Variants in SMYD4 observed in about 807,000 individuals in gnomAD.
SMYD4 encodes protein-lysine N-methyltransferase SMYD4.
A neutral mutation model predicts 72.8 loss-of-function variants in SMYD4; 68 were observed. The observed-to-expected ratio is 0.93, with a 90% CI of 0.77 to 1.14. The LOEUF (loss-of-function observed/expected upper bound fraction) is 1.14, where lower values mean the gene tolerates loss of function less well. Ranked by LOEUF, SMYD4 falls within the 50% of genes most tolerant of loss-of-function variation. SMYD4 has a pLI of 0.00. For missense variants in SMYD4, 984 were observed against 1,003.7 expected, an observed-to-expected ratio of 0.98 and a Z score of 0.27; for synonymous variants, 407 against 388.6, an observed-to-expected ratio of 1.05 and a Z score of -0.56.
chr17:1,823,393 C>CAAAAAAA (rs57044082), intron 2 of SMYD4, among the ~76,000 whole-genome samples: 4 of 65,584 alleles, frequency 6.1e-5, no homozygotes, highest in Non-Finnish European at 8.0e-5. Flanking sequence ...GACTCCGTCT[C>CAAAAAAA]AAAAAAAAAA....
chr17:1,792,371 G>C (rs146388473), intron 5 of SMYD4, among the ~76,000 whole-genome samples: 10 of 151,794 alleles, frequency 6.6e-5, no homozygotes, highest in Non-Finnish European at 1.5e-4. Context: ...AATACAGGTC[G>C]GGCACGGTGG....
chr17:1,817,978 C>T (rs984318307), intron 2 of SMYD4, among the ~76,000 whole-genome samples: 5 of 141,210 alleles, frequency 3.5e-5, no homozygotes, highest in East Asian at 2.1e-4. Context: ...ACCCGGGAGG[C>T]GGAGCTTGCA....
chr17:1,799,270 AAAAG>A (rs1909577356), intron 5 of SMYD4, among the ~76,000 whole-genome samples: 2 of 152,256 alleles, frequency 1.3e-5, no homozygotes, highest in East Asian at 1.9e-4. Flanking sequence ...CAAAAAAAAA[AAAAG>A]AATTTTTACA....
Position 1,787,587 on chromosome 17 carries a change from C to A in SMYD4, c.1555G>T (p.Val519Phe). 2 of 1,590,904 alleles carry A rather than the reference C, an allele frequency of 1.3e-6. No homozygotes were observed. The highest frequency in any genetic ancestry group is 1.7e-6 in the Non-Finnish European group (2 of 1,168,708). Reference protein sequence around the residue: ...IQHTGPKGSIVTDSRQVRLAT... With the variant: ...IQHTGPKGSIFTDSRQVRLAT... Reference sequence around the variant, plus strand: ...AGGCGCACCTGCCTGCTGTCGGTAACGATGCTCCCTTTAGGTCCTGAAAGG... The same window carrying A: ...AGGCGCACCTGCCTGCTGTCGGTAAAGATGCTCCCTTTAGGTCCTGAAAGG... The change falls in exon 6 of 11, where the codon GTT becomes TTT. Residue 519 changes from valine to phenylalanine, a missense_variant. Transcript: ENST00000305513.
chr17:1,824,907 G>C (rs1194464908), intron 2 of SMYD4, among the ~76,000 whole-genome samples: 1 of 152,106 alleles, frequency 6.6e-6, no homozygotes, highest in Non-Finnish European at 1.5e-5. Flanking sequence ...TTACAGGCGT[G>C]AGCCACCGCG....
At chr17:1,825,340 A>G (rs1410827927) in intron 2 of SMYD4, among the ~76,000 whole-genome samples, 1 of 152,170 alleles carries the variant, frequency 6.6e-6, no homozygotes, top group African/African-American at 2.4e-5. Flanking sequence ...TTTGTCAGTT[A>G]TACCTCAATA....
chr17:1,794,276 A>ATTT (rs57986348), intron 5 of SMYD4, among the ~76,000 whole-genome samples: 1 of 128,440 alleles, frequency 7.8e-6, no homozygotes, highest in African/African-American at 3.0e-5. Flanking sequence ...CACCAGGCTA[A>ATTT]TTTTTTTTTT....
chr17:1,786,704 G>A (rs2151220257), intron 7 of SMYD4, 106 bp downstream of exon 7: 1 of 1,358,556 alleles, frequency 7.4e-7, no homozygotes, highest in Non-Finnish European at 1.0e-6. Flanking sequence ...GATATTACTG[G>A]TCTCAGCACT....
chr17:1,828,071 C>G (rs565946491), intron 1 of SMYD4, 65 bp from the exon 2 acceptor site: 44 of 1,537,114 alleles, frequency 2.9e-5, no homozygotes, highest in Non-Finnish European at 3.8e-5. Context: ...AAGAGTTCAG[C>G]CAGGTACGGT....
chr17:1,795,758 T>TTG, intron 5 of SMYD4, among the ~76,000 whole-genome samples: 1 of 151,136 alleles, frequency 6.6e-6, no homozygotes, highest in East Asian at 1.9e-4. Flanking sequence ...TTTTTTTTTT[T>TTG]TTTTTTTAAG....
At chr17:1,822,062 T>C (rs1193010624) in intron 2 of SMYD4, among the ~76,000 whole-genome samples, 2 of 151,952 alleles carry the variant, frequency 1.3e-5, no homozygotes, top group African/African-American at 4.8e-5. Context: ...CTGTCTCTAC[T>C]AAAAATATAA....
chr17:1,787,792 T>C (rs1054947560), intron 5 of SMYD4, among the ~76,000 whole-genome samples, 188 bp from the exon 6 acceptor site: 42 of 152,140 alleles, frequency 2.8e-4, no homozygotes, highest in African/African-American at 9.4e-4. Flanking sequence ...GGAAGCAAAG[T>C]GGATGAACGC....
chr17:1,798,930 A>C (rs1220445925), intron 5 of SMYD4, among the ~76,000 whole-genome samples: 1 of 151,684 alleles, frequency 6.6e-6, no homozygotes, highest in Non-Finnish European at 1.5e-5. Context: ...TAAAATAAAA[A>C]ATAAATTTTT....
chr17:1,807,065 T>C (rs1910072611), intron 3 of SMYD4, among the ~76,000 whole-genome samples: 1 of 151,886 alleles, frequency 6.6e-6, no homozygotes, highest in Admixed American at 6.6e-5. Flanking sequence ...TTATTCTGTA[T>C]TTTTAGTAGA....
rs1388925721 is a variant in SMYD4, at chr17:1,783,364, G to C, written c.2133C>G (p.Ala711=). Reference sequence around the variant, plus strand: ...ACGTGAAGGCTCATGCTGTACCTAAGGCAGCACAGGCCCGGGCCAGGCCAT... The same window carrying C: ...ACGTGAAGGCTCATGCTGTACCTAACGCAGCACAGGCCCGGGCCAGGCCAT... The part of the protein sequence containing the change: ...IADGLARACA[A]LGDWQKSATH... Residue 711 remains alanine (A), a synonymous_variant, in exon 9 of 11, where the codon GCC becomes GCG. Coordinates refer to ENST00000305513, the MANE Select transcript of SMYD4 (RefSeq NM_052928.3). 2 of 1,612,246 alleles carry C rather than the reference G, an allele frequency of 1.2e-6. No homozygotes were observed. Among genetic ancestry groups the C allele is most frequent in the African/African-American group, 1.3e-5 (1 of 74,988 alleles).
At position 1,791,911 on chromosome 17, in the gene SMYD4, T is replaced by G. The variant is rs376493410; in HGVS notation, c.1538-4307A>C. ...CAAAAACAAACAAAAAACCACTAATTGAAATTACAAAAGGAATACGTGGTA... is the reference window on the plus strand; with the variant it reads ...CAAAAACAAACAAAAAACCACTAATGGAAATTACAAAAGGAATACGTGGTA... On this transcript the variant is annotated intron_variant, in intron 5 of 10. Transcript: ENST00000305513. 1.4e-4 allele frequency among the ~76,000 whole-genome samples: 22 copies of G among 151,838 alleles called. No homozygotes were observed. The East Asian group carries it at 1.9e-3, about 13-fold the overall frequency.
At chr17:1,818,746 A>AC (rs1430119533) in intron 2 of SMYD4, among the ~76,000 whole-genome samples, 24 of 151,730 alleles carry the variant, frequency 1.6e-4, no homozygotes, top group African/African-American at 5.8e-4. Flanking sequence ...TGCAACCTCT[A>AC]CCTCCTGCCT....
intron 9 of SMYD4, 75 bp from the exon 10 acceptor site, chr17:1,783,233 A>G: frequency 6.2e-7 from 1 of 1,612,486 alleles, no homozygotes; most frequent in South Asian, 1.1e-5. Context: ...GGGGGAGGAA[A>G]TGGAACGAGA....
intron 5 of SMYD4, among the ~76,000 whole-genome samples, chr17:1,797,268 C>T (rs563083132): frequency 2.6e-5 from 4 of 152,176 alleles, no homozygotes; most frequent in Non-Finnish European, 5.9e-5. Flanking sequence ...CTGGTTTCCT[C>T]CCTCTCAAGA....
Sources: allele counts gnomAD v4.1 joint callset (sites outside exome capture counted in the v4.1 genomes callset), GRCh38; gene constraint gnomAD v4.1.1; transcripts MANE v1.5; gene names NCBI Gene and HGNC (gene_info 2026-07-23, HGNC 2026-07-21).